TENM2: variants seen among roughly 807,000 people sequenced by gnomAD.
TENM2 encodes teneurin-2.
In TENM2, 52 loss-of-function variants were observed where a neutral mutation model predicts 245.2. That is an observed-to-expected ratio of 0.21 (90% confidence interval 0.17 to 0.27). The LOEUF is 0.27. TENM2 is among the 10% of genes least tolerant of loss of function. TENM2 has a pLI of 1.00. For synonymous variants in TENM2, 1,363 were observed against 1,438.9 expected (o/e 0.95, Z 1.19); for missense variants, 3,046 against 3,666.8 (o/e 0.83, Z 4.37).
intron 2 of TENM2, among the ~76,000 whole-genome samples, chr5:167,622,242 A>AT (rs1778224130): frequency 1.3e-5 from 2 of 152,138 alleles, no homozygotes; most frequent in Non-Finnish European, 2.9e-5. Flanking sequence ...ACATGATGAG[A>AT]AGCACCCCTC....
chr5:167,206,935 C>T, the TENM2 span, among the ~76,000 whole-genome samples: 5 of 151,784 alleles, frequency 3.3e-5, no homozygotes, highest in African/African-American at 9.7e-5. Context: ...GATGTAAACA[C>T]GTAAGGAAGA....
intron 25 of TENM2, among the ~76,000 whole-genome samples, chr5:168,232,868 A>T (rs1473918438): frequency 1.3e-5 from 2 of 152,190 alleles, no homozygotes; most frequent in Non-Finnish European, 2.9e-5. Context: ...TTTCACCAAA[A>T]GCTTTGTAAT....
At chr5:168,212,665 GTCT>G (rs372720865) in intron 20 of TENM2, among the ~76,000 whole-genome samples, 245 of 152,272 alleles carry the variant, frequency 1.6e-3, no homozygotes, top group African/African-American at 5.4e-3. Context: ...AAAGTCCTCT[GTCT>G]TCTTCTCAGG....
intron 13 of TENM2, among the ~76,000 whole-genome samples, chr5:168,168,383 C>T (rs1201251398): frequency 1.3e-5 from 2 of 152,124 alleles, no homozygotes; most frequent in Admixed American, 6.6e-5. Flanking sequence ...AAATAAGTAG[C>T]TGAAAAGACA....
At chr5:167,438,329 G>T (rs1056141320) in intron 2 of TENM2, among the ~76,000 whole-genome samples, 2 of 152,110 alleles carry the variant, frequency 1.3e-5, no homozygotes, top group Admixed American at 6.5e-5. Context: ...AAAACCAAAA[G>T]TGCATGTAGG....
chr5:167,150,176 TGC>T, the TENM2 span, among the ~76,000 whole-genome samples: 1 of 152,174 alleles, frequency 6.6e-6, no homozygotes, highest in African/African-American at 2.4e-5. Flanking sequence ...CACTTTCTTC[TGC>T]TTACTCTATG....
intron 2 of TENM2, among the ~76,000 whole-genome samples, chr5:167,800,637 T>A (rs1765641073): frequency 6.6e-6 from 1 of 152,166 alleles, no homozygotes; most frequent in Non-Finnish European, 1.5e-5. Context: ...GATGCTTGAT[T>A]TCCACTGAAT....
the TENM2 span, among the ~76,000 whole-genome samples, chr5:167,229,119 C>T: frequency 6.6e-6 from 1 of 151,840 alleles, no homozygotes; most frequent in African/African-American, 2.4e-5. Context: ...GTGGTGTAGA[C>T]TCTGTATGAT....
At chr5:167,600,606 A>G (rs1776569011) in intron 2 of TENM2, among the ~76,000 whole-genome samples, 1 of 152,206 alleles carries the variant, frequency 6.6e-6, no homozygotes, top group Non-Finnish European at 1.5e-5. Flanking sequence ...TGAGTTGGTT[A>G]TAATTATCAA....
intron 13 of TENM2, among the ~76,000 whole-genome samples, chr5:168,178,267 G>T (rs185442743): frequency 6.6e-6 from 1 of 152,342 alleles, no homozygotes; most frequent in African/African-American, 2.4e-5. Context: ...TGCACTGGCC[G>T]TCGGCTCAGT....
chr5:167,435,383 G>T (rs917090103), intron 2 of TENM2, among the ~76,000 whole-genome samples: 4 of 152,146 alleles, frequency 2.6e-5, no homozygotes, highest in African/African-American at 9.7e-5. Flanking sequence ...AGATCTGATG[G>T]TTTAACAAGG....
chr5:167,929,073 G>GA (rs1554148046), intron 3 of TENM2, among the ~76,000 whole-genome samples: 6 of 36,990 alleles, frequency 1.6e-4, no homozygotes, highest in African/African-American at 9.1e-4. Flanking sequence ...AAGAAAGAAA[G>GA]AAAGAAAGAA....
At chr5:167,017,259 C>T in the TENM2 span, among the ~76,000 whole-genome samples, 107 of 152,242 alleles carry the variant, frequency 7.0e-4, no homozygotes, top group Non-Finnish European at 4.3e-4. Flanking sequence ...TTCAGAAGCC[C>T]AAGCTTCTAC....
intron 2 of TENM2, among the ~76,000 whole-genome samples, chr5:167,497,208 A>G (rs940129367): frequency 6.6e-6 from 1 of 152,054 alleles, no homozygotes; most frequent in Non-Finnish European, 1.5e-5. Flanking sequence ...GACATTTAGG[A>G]GGGGAAGAAT....
At chr5:167,562,308 G>A (rs546022815) in intron 2 of TENM2, among the ~76,000 whole-genome samples, 1 of 151,452 alleles carries the variant, frequency 6.6e-6, no homozygotes, top group East Asian at 1.9e-4. Flanking sequence ...GGGCAAAGAG[G>A]CATTTTTTCC....
At chr5:167,024,981 G>A in the TENM2 span, among the ~76,000 whole-genome samples, 2 of 152,036 alleles carry the variant, frequency 1.3e-5, no homozygotes, top group East Asian at 3.9e-4. Context: ...AAAAATACGA[G>A]TGCTCAAGTC....
At chr5:167,102,468 G>T in the TENM2 span, among the ~76,000 whole-genome samples, 1 of 152,128 alleles carries the variant, frequency 6.6e-6, no homozygotes, top group Non-Finnish European at 1.5e-5. Flanking sequence ...GTAGATGAGG[G>T]AGCTAAAGCA....
the TENM2 span, among the ~76,000 whole-genome samples, chr5:167,128,303 A>G: frequency 1.3e-5 from 2 of 152,286 alleles, no homozygotes; most frequent in Admixed American, 6.5e-5. Flanking sequence ...TCAGTTTACT[A>G]TGGAAGGTTA....
At chr5:167,219,656 A>T in the TENM2 span, among the ~76,000 whole-genome samples, 24 of 152,352 alleles carry the variant, frequency 1.6e-4, no homozygotes, top group Non-Finnish European at 3.2e-4. Context: ...CTTTTGTTGG[A>T]TGCTAAATTA....
Sources: allele counts gnomAD v4.1 joint callset (sites outside exome capture counted in the v4.1 genomes callset), GRCh38; gene constraint gnomAD v4.1.1; transcripts MANE v1.5; gene names NCBI Gene and HGNC (gene_info 2026-07-23, HGNC 2026-07-21).